Variants in IQCM observed in about 807,000 individuals in gnomAD.
IQCM encodes IQ domain-containing protein M.
Under a neutral mutation model 57.6 loss-of-function variants are expected in IQCM, and 45 were observed. The ratio of observed to expected loss-of-function variants is 0.78; its 90% CI spans 0.62 to 1.00. The LOEUF (loss-of-function observed/expected upper bound fraction) is 1.00. Among genes scored for constraint, IQCM ranks in the 50% least tolerant of loss-of-function variants. The pLI is 0.00. For missense variants in IQCM, 468 were observed against 511.6 expected (o/e 0.91, Z 0.82); for synonymous variants, 148 against 158.9 (o/e 0.93, Z 0.51).
chr4:149,428,208 T>C (rs1443344300), intron 13 of IQCM, among the ~76,000 whole-genome samples: 1 of 151,812 alleles, frequency 6.6e-6, no homozygotes, highest in African/African-American at 2.4e-5. Context: ...ACACATCATA[T>C]AGTTACAAGA....
At chr4:149,457,309 A>G (rs571748916) in intron 12 of IQCM, among the ~76,000 whole-genome samples, 31 of 152,170 alleles carry the variant, frequency 2.0e-4, no homozygotes, top group African/African-American at 6.7e-4. Flanking sequence ...AATCTCTCTG[A>G]TTGTCCTCTC....
intron 2 of IQCM, among the ~76,000 whole-genome samples, chr4:149,787,398 A>C (rs1772174054): frequency 6.6e-6 from 1 of 152,214 alleles, no homozygotes. Flanking sequence ...TATCCTAAAT[A>C]TCCAAGCTGG....
At chr4:149,520,348 AACAC>A (rs1745500013) in intron 12 of IQCM, among the ~76,000 whole-genome samples, 3 of 151,888 alleles carry the variant, frequency 2.0e-5, no homozygotes, top group Non-Finnish European at 4.4e-5. Flanking sequence ...CTCAATGAAG[AACAC>A]GTTCCTGTTT....
intron 5 of IQCM, among the ~76,000 whole-genome samples, chr4:149,707,278 G>A (rs1416088667): frequency 6.6e-6 from 1 of 152,030 alleles, no homozygotes; most frequent in East Asian, 1.9e-4. Flanking sequence ...CAAATACACT[G>A]AGCCTCAACT....
At chr4:149,473,993 G>A (rs892446940) in intron 12 of IQCM, among the ~76,000 whole-genome samples, 1 of 152,104 alleles carries the variant, frequency 6.6e-6, no homozygotes, top group Admixed American at 6.6e-5. Flanking sequence ...GGGAAGTGGG[G>A]AGGGATAGTA....
At chr4:149,648,119 C>A (rs1405670082) in intron 7 of IQCM, among the ~76,000 whole-genome samples, 1 of 151,954 alleles carries the variant, frequency 6.6e-6, no homozygotes, top group Admixed American at 6.6e-5. Flanking sequence ...ATATTTTCAT[C>A]TTCTCATTTA....
At chr4:149,670,437 A>C (rs946528746) in intron 7 of IQCM, among the ~76,000 whole-genome samples, 12 of 152,076 alleles carry the variant, frequency 7.9e-5, no homozygotes, top group East Asian at 5.8e-4. Context: ...GGACAATTTG[A>C]CTTTCTCTTT....
chr4:149,451,992 G>C (rs570052576), intron 12 of IQCM, among the ~76,000 whole-genome samples: 1 of 151,694 alleles, frequency 6.6e-6, no homozygotes, highest in Non-Finnish European at 1.5e-5. Context: ...AAAGCTGCTA[G>C]AATAAACAAG....
At chr4:149,761,754 A>T (rs1310981432) in intron 2 of IQCM, among the ~76,000 whole-genome samples, 1 of 152,120 alleles carries the variant, frequency 6.6e-6, no homozygotes, top group African/African-American at 2.4e-5. Flanking sequence ...TTGATATAGC[A>T]ATAAATTGCA....
chr4:149,434,795 C>T (rs553206248), intron 12 of IQCM, among the ~76,000 whole-genome samples: 9 of 152,072 alleles, frequency 5.9e-5, no homozygotes, highest in Non-Finnish European at 7.4e-5. Flanking sequence ...TCTGGTGGGT[C>T]TCTCAGAAGG....
intron 12 of IQCM, among the ~76,000 whole-genome samples, chr4:149,509,383 A>C (rs546364134): frequency 1.3e-5 from 2 of 151,750 alleles, no homozygotes; most frequent in Non-Finnish European, 2.9e-5. Context: ...GGCTCAAGTG[A>C]TTTTTCTGCC....
chr4:149,664,745 G>T (rs1180316077), intron 7 of IQCM, among the ~76,000 whole-genome samples: 1 of 152,126 alleles, frequency 6.6e-6, no homozygotes, highest in Non-Finnish European at 1.5e-5. Context: ...CAGACTGACT[G>T]TCTGGAAAGG....
At chr4:149,431,947 A>G (rs926496646) in intron 13 of IQCM, among the ~76,000 whole-genome samples, 1 of 150,990 alleles carries the variant, frequency 6.6e-6, no homozygotes, top group Admixed American at 6.6e-5. Context: ...ATATATATAT[A>G]TATGTGTATG....
At chr4:149,489,594 C>T (rs1182783757) in intron 12 of IQCM, among the ~76,000 whole-genome samples, 5 of 151,932 alleles carry the variant, frequency 3.3e-5, no homozygotes, top group Non-Finnish European at 7.4e-5. Flanking sequence ...TCACATACTA[C>T]TGAATAACAC....
chr4:149,606,588 A>T (rs1754804172), intron 8 of IQCM, among the ~76,000 whole-genome samples: 1 of 152,216 alleles, frequency 6.6e-6, no homozygotes, highest in Admixed American at 6.5e-5. Context: ...TCAATCCTGG[A>T]GTGATGAAGA....
chr4:149,778,887 C>G (rs149290317), intron 2 of IQCM, among the ~76,000 whole-genome samples: 2 of 152,042 alleles, frequency 1.3e-5, no homozygotes, highest in African/African-American at 4.8e-5. Flanking sequence ...CAGACCTAGA[C>G]GGTTTCACTG....
intron 10 of IQCM, among the ~76,000 whole-genome samples, chr4:149,560,667 G>A (rs1324515768): frequency 4.6e-5 from 7 of 151,954 alleles, no homozygotes; most frequent in East Asian, 1.9e-4. Context: ...GTGGTCTTTC[G>A]ATGTATGACA....
intron 12 of IQCM, among the ~76,000 whole-genome samples, chr4:149,543,064 A>T (rs1748015140): frequency 9.0e-6 from 1 of 111,434 alleles, no homozygotes; most frequent in Non-Finnish European, 2.0e-5. Context: ...GTTAATTTGA[A>T]AAAAAAATAC....
chr4:149,682,027 G>C, intron 7 of IQCM, 91 bp downstream of exon 7: 1 of 465,074 alleles, frequency 2.2e-6, no homozygotes, highest in Non-Finnish European at 3.5e-6. Context: ...AAATAACTCT[G>C]TTCAATACTA....
Sources: allele counts gnomAD v4.1 joint callset (sites outside exome capture counted in the v4.1 genomes callset), GRCh38; gene constraint gnomAD v4.1.1; transcripts MANE v1.5; gene names NCBI Gene and HGNC (gene_info 2026-07-23, HGNC 2026-07-21).